The following TMTC2 variants were observed in gnomAD, a reference collection of about 807,000 sequenced individuals.
TMTC2 encodes the protein transmembrane O-mannosyltransferase targeting cadherins 2, also known as protein O-mannosyl-transferase TMTC2.
In TMTC2, 43 loss-of-function variants were observed where a neutral mutation model predicts 82.4. That is an observed-to-expected ratio of 0.52 (90% CI 0.41 to 0.67). The LOEUF (loss-of-function observed/expected upper bound fraction) is 0.67, where lower values mean the gene tolerates loss of function less well. TMTC2 is among the 30% of genes least tolerant of loss of function. TMTC2 has a pLI of 0.00. For missense variants in TMTC2, 919 were observed against 1,012.4 expected, an observed-to-expected ratio of 0.91 and a Z score of 1.25; for synonymous variants, 408 against 381.9, an observed-to-expected ratio of 1.07 and a Z score of -0.80.
intron 2 of TMTC2, among the ~76,000 whole-genome samples, chr12:82,887,444 C>T (rs1293661026): frequency 6.6e-6 from 1 of 152,174 alleles, no homozygotes; most frequent in African/African-American, 2.4e-5. Flanking sequence ...TCACCACTAA[C>T]TAATATGGCA....
At chr12:82,991,422 A>G (rs932882078) in intron 8 of TMTC2, among the ~76,000 whole-genome samples, 3 of 152,314 alleles carry the variant, frequency 2.0e-5, no homozygotes, top group Middle Eastern at 3.4e-3. Context: ...TGAGTGGTTA[A>G]ACAGAATTTT....
chr12:82,771,290 A>G (rs1277715440), intron 1 of TMTC2, among the ~76,000 whole-genome samples: 5 of 151,942 alleles, frequency 3.3e-5, no homozygotes, highest in Non-Finnish European at 7.4e-5. Flanking sequence ...AGAAATCAGT[A>G]CCTTGCAGTA....
intron 11 of TMTC2, among the ~76,000 whole-genome samples, chr12:83,114,420 C>T (rs74579227): frequency 0.036 from 5,521 of 152,238 alleles, 166 homozygotes; most frequent in Non-Finnish European, 0.054. Context: ...CTGTGAGAAA[C>T]ACGTGTTTGT....
At chr12:83,024,491 AAC>A (rs1881075542) in intron 8 of TMTC2, among the ~76,000 whole-genome samples, 2 of 152,214 alleles carry the variant, frequency 1.3e-5, no homozygotes, top group African/African-American at 4.8e-5. Context: ...TGTGAAAAAT[AAC>A]AGACACTCAC....
At chr12:82,989,006 G>A (rs938914672) in intron 8 of TMTC2, among the ~76,000 whole-genome samples, 6 of 150,668 alleles carry the variant, frequency 4.0e-5, no homozygotes, top group African/African-American at 1.5e-4. Context: ...TTAGGAGAAG[G>A]AACTCTAAAT....
chr12:83,050,707 G>A (rs1459114439), intron 9 of TMTC2, among the ~76,000 whole-genome samples, 197 bp from the exon 10 acceptor site: 2 of 151,986 alleles, frequency 1.3e-5, no homozygotes, highest in African/African-American at 2.4e-5. Context: ...AAAAAAAAAT[G>A]TTTAAGTTAG....
chr12:82,915,949 T>C (rs1874976440), intron 3 of TMTC2, among the ~76,000 whole-genome samples: 1 of 152,218 alleles, frequency 6.6e-6, no homozygotes. Flanking sequence ...ATCCCTGCTC[T>C]TTGGGAGGCC....
At chr12:83,079,397 A>G (rs771093037) in intron 11 of TMTC2, among the ~76,000 whole-genome samples, 11 of 152,164 alleles carry the variant, frequency 7.2e-5, no homozygotes, top group South Asian at 6.2e-4. Context: ...GAGACAAATT[A>G]TTTCTTTTAA....
At position 82,846,323 on chromosome 12, in the gene TMTC2, A is replaced by AC. The variant is rs556876635; in HGVS notation, c.84-10686dup. Among the ~76,000 whole-genome samples, 27 of 152,072 alleles carry AC rather than the reference A, an allele frequency of 1.8e-4. 1 individual carries two copies. In the East Asian group the frequency reaches 4.4e-3, roughly 25 times the overall value. On this transcript the variant is annotated intron_variant, in intron 1 of 11. Transcript: ENST00000321196. ...CAGTGAGCTGAGATCATGTGACTGC[A>AC]CTCCAGCCTGGGCAACAGAACGAGA...
At chr12:82,889,050 G>A (rs140791692) in intron 2 of TMTC2, among the ~76,000 whole-genome samples, 1,883 of 152,052 alleles carry the variant, frequency 0.012, 41 homozygotes, top group African/African-American at 0.043. Flanking sequence ...AGGCTGAGGC[G>A]GGCAGATCAT....
chr12:83,030,418 G>A (rs1881377993), intron 8 of TMTC2, among the ~76,000 whole-genome samples: 2 of 151,956 alleles, frequency 1.3e-5, no homozygotes, highest in African/African-American at 4.8e-5. Context: ...GGAAAAAGAA[G>A]GAATGAAGAG....
At chr12:82,826,589 T>C (rs2137070742) in intron 1 of TMTC2, among the ~76,000 whole-genome samples, 1 of 152,348 alleles carries the variant, frequency 6.6e-6, no homozygotes, top group South Asian at 2.1e-4. Context: ...GCCTCAATTA[T>C]GTTCATAAGT....
At chr12:83,069,353 C>T (rs957403578) in intron 11 of TMTC2, among the ~76,000 whole-genome samples, 1 of 152,146 alleles carries the variant, frequency 6.6e-6, no homozygotes, top group African/African-American at 2.4e-5. Flanking sequence ...TCCATGCCAG[C>T]ATCTACTATA....
chr12:83,087,804 C>CGCA (rs1359144823), intron 11 of TMTC2, among the ~76,000 whole-genome samples: 302 of 141,716 alleles, frequency 2.1e-3, no homozygotes, highest in African/African-American at 8.1e-3. Flanking sequence ...ATTTATAGAG[C>CGCA]ACAAGAGGAG....
intron 11 of TMTC2, among the ~76,000 whole-genome samples, chr12:83,065,377 A>G (rs564976173): frequency 7.9e-5 from 12 of 152,062 alleles, no homozygotes; most frequent in African/African-American, 2.9e-4. Context: ...AAAGATGTCT[A>G]AATTAACAGG....
intron 11 of TMTC2, among the ~76,000 whole-genome samples, chr12:83,119,696 A>G (rs111753257): frequency 0.026 from 3,975 of 152,196 alleles, 181 homozygotes; most frequent in African/African-American, 0.091. Context: ...TTGTTTCTTC[A>G]TTGACTTTCT....
intron 1 of TMTC2, among the ~76,000 whole-genome samples, chr12:82,763,283 T>C (rs1876754433): frequency 6.6e-6 from 1 of 151,834 alleles, no homozygotes. Context: ...ATGGTAGAAC[T>C]AACAGATTAG....
chr12:82,882,069 G>C (rs1181830047), intron 2 of TMTC2, among the ~76,000 whole-genome samples: 4 of 137,012 alleles, frequency 2.9e-5, no homozygotes, highest in East Asian at 2.1e-4. Flanking sequence ...GCGGGATCTC[G>C]GCTCACTGCA....
intron 1 of TMTC2, among the ~76,000 whole-genome samples, chr12:82,703,749 A>G (rs575377934): frequency 5.7e-4 from 87 of 152,148 alleles, no homozygotes; most frequent in Non-Finnish European, 1.0e-3. Context: ...GGTCCCCCAA[A>G]GTGCTGGGAT....
Sources: allele counts gnomAD v4.1 joint callset (sites outside exome capture counted in the v4.1 genomes callset), GRCh38; gene constraint gnomAD v4.1.1; transcripts MANE v1.5; gene names NCBI Gene and HGNC (gene_info 2026-07-23, HGNC 2026-07-21).